TANC2: variants seen among roughly 807,000 people sequenced by gnomAD.
TANC2 encodes tetratricopeptide repeat, ankyrin repeat and coiled-coil containing 2.
Under a neutral mutation model 210.5 loss-of-function variants are expected in TANC2, and 26 were observed. The ratio of observed to expected loss-of-function variants is 0.12; its 90% CI spans 0.09 to 0.17. The LOEUF (loss-of-function observed/expected upper bound fraction) is 0.17, where lower values mean the gene tolerates loss of function less well. TANC2 is among the 10% of genes least tolerant of loss of function. The pLI is 1.00. For synonymous variants in TANC2, 931 were observed against 967.1 expected (o/e 0.96, Z 0.69); for missense variants, 2,129 against 2,608.9 (o/e 0.82, Z 4.01).
chr17:63,081,162 G>A (rs2036756779), intron 3 of TANC2, among the ~76,000 whole-genome samples: 1 of 151,962 alleles, frequency 6.6e-6, no homozygotes, highest in Admixed American at 6.6e-5. Flanking sequence ...AATTTAATTT[G>A]TTGTAGATTT....
At chr17:63,120,109 T>G (rs78080628) in intron 4 of TANC2, among the ~76,000 whole-genome samples, 4,480 of 152,212 alleles carry the variant, frequency 0.029, 83 homozygotes, top group South Asian at 0.037. Context: ...ATGAGGTTAG[T>G]ATTTTTATTA....
chr17:63,152,145 G>A (rs561260568), intron 5 of TANC2: 1 of 152,278 alleles, frequency 6.6e-6, no homozygotes, highest in African/African-American at 2.4e-5. Context: ...CATTAGTAAA[G>A]GAAGGACCTT....
Position 63,340,089 on chromosome 17 carries a change from T to G in TANC2, c.1576-12T>G. 1 of 1,607,594 alleles carries G rather than the reference T, an allele frequency of 6.2e-7. No individual in the cohort carries two copies. The highest frequency in any genetic ancestry group is 8.5e-7 in the Non-Finnish European group (1 of 1,174,996). ...TGATAAGCCTGTTTGCATTCTCATC[T>G]TTCTTTTGCAGGTGGTTGCCTATCA... On this transcript the variant is annotated splice_polypyrimidine_tract_variant and intron_variant, in intron 11 of 27. Transcript: ENST00000689528.
chr17:62,984,080 T>C (rs894479237), intron 1 of TANC2, among the ~76,000 whole-genome samples: 2 of 152,144 alleles, frequency 1.3e-5, no homozygotes, highest in African/African-American at 4.8e-5. Context: ...AATTCAGCAG[T>C]GATACCATCT....
intron 14 of TANC2, among the ~76,000 whole-genome samples, chr17:63,376,822 T>C (rs2047439046): frequency 6.7e-6 from 1 of 149,654 alleles, no homozygotes; most frequent in South Asian, 2.1e-4. Flanking sequence ...CTCTTTTTTT[T>C]TTTTTTTTTT....
At chr17:63,250,829 G>C (rs1229512075) in intron 8 of TANC2, among the ~76,000 whole-genome samples, 3 of 152,060 alleles carry the variant, frequency 2.0e-5, no homozygotes, top group African/African-American at 7.2e-5. Context: ...TAATTTATAA[G>C]TAATTTATAT....
At chr17:63,184,190 G>A (rs2040894027) in intron 5 of TANC2, among the ~76,000 whole-genome samples, 1 of 152,090 alleles carries the variant, frequency 6.6e-6, no homozygotes, top group Non-Finnish European at 1.5e-5. Context: ...AACTTTAAAT[G>A]AAAGATCTAA....
At chr17:63,282,441 T>C (rs2044087449) in intron 9 of TANC2, among the ~76,000 whole-genome samples, 1 of 152,022 alleles carries the variant, frequency 6.6e-6, no homozygotes, top group African/African-American at 2.4e-5. Flanking sequence ...TGAAATAAAA[T>C]ATCTCAGGGT....
chr17:63,289,943 TC>T (rs144797286), intron 9 of TANC2, among the ~76,000 whole-genome samples: 4 of 151,750 alleles, frequency 2.6e-5, no homozygotes, highest in East Asian at 1.9e-4. Flanking sequence ...TTGTTTTCCT[TC>T]CCCCCCTTCA....
At chr17:63,104,618 A>G (rs2037753901) in intron 4 of TANC2, among the ~76,000 whole-genome samples, 1 of 152,178 alleles carries the variant, frequency 6.6e-6, no homozygotes, top group Non-Finnish European at 1.5e-5. Flanking sequence ...AAAAATGAAA[A>G]TCCAAATATT....
intron 9 of TANC2, among the ~76,000 whole-genome samples, chr17:63,275,797 C>G (rs898102468): frequency 1.3e-5 from 2 of 152,096 alleles, no homozygotes; most frequent in African/African-American, 4.8e-5. Context: ...GTTCCCCTCA[C>G]CCCCAACCAG....
intron 4 of TANC2, among the ~76,000 whole-genome samples, chr17:63,121,849 C>T (rs1016295533): frequency 1.3e-5 from 2 of 151,922 alleles, no homozygotes; most frequent in Admixed American, 6.6e-5. Flanking sequence ...TGCCTGTAGT[C>T]CCAGCTACTT....
rs190583868 is a variant in TANC2 at position 63,156,054 on chromosome 17, T to C, written c.433+4674T>C. Among the ~76,000 whole-genome samples, 18 of 152,308 alleles carry C rather than the reference T, an allele frequency of 1.2e-4. No homozygotes were observed. The East Asian group carries it at 3.5e-3, about 29-fold the overall frequency. On this transcript the variant is annotated intron_variant, in intron 5 of 27. Coordinates refer to ENST00000689528, the Ensembl canonical transcript of TANC2. The stretch of plus-strand genomic sequence containing the variant: ...TTTCCGAGAACATTATAAAATGTTA[T>C]CTTTATCCTAAATAATTAACCATGC...
chr17:63,337,241 TAA>T (rs536123966), intron 11 of TANC2, among the ~76,000 whole-genome samples: 14 of 152,282 alleles, frequency 9.2e-5, no homozygotes, highest in African/African-American at 2.9e-4. Flanking sequence ...ATCTAAAAAT[TAA>T]AAGAGAGGCA....
chr17:63,360,880 G>C (rs1035433000), intron 14 of TANC2, among the ~76,000 whole-genome samples: 40 of 152,118 alleles, frequency 2.6e-4, no homozygotes, highest in African/African-American at 8.7e-4. Context: ...TGACAGATAA[G>C]TGAGAACACG....
chr17:63,137,001 A>C (rs1282121288), intron 4 of TANC2, among the ~76,000 whole-genome samples: 1 of 152,212 alleles, frequency 6.6e-6, no homozygotes, highest in Admixed American at 6.5e-5. Context: ...ACTGAGTTTC[A>C]GAGATGTGCA....
intron 2 of TANC2, among the ~76,000 whole-genome samples, chr17:63,011,975 T>G (rs1454327835): frequency 1.3e-5 from 2 of 151,764 alleles, no homozygotes; most frequent in East Asian, 3.8e-4. Flanking sequence ...TTCTCTCCTA[T>G]CTTTCTTTTT....
intron 5 of TANC2, among the ~76,000 whole-genome samples, chr17:63,162,171 G>T (rs1045036752): frequency 6.6e-6 from 1 of 152,144 alleles, no homozygotes; most frequent in African/African-American, 2.4e-5. Context: ...AGGCATGGTG[G>T]CATGTGCCTG....
rs938030095 is a variant in TANC2 at position 63,087,556 on chromosome 17, G to A, written c.140-11619G>A. On this transcript the variant is annotated intron_variant, in intron 3 of 27. Transcript: ENST00000689528. Reference sequence around the variant, plus strand: ...TCTGGGAAAATAATTTCTCCTGATGGTTAAGAAGAATACCATTCTCTGGTA... The same window carrying A: ...TCTGGGAAAATAATTTCTCCTGATGATTAAGAAGAATACCATTCTCTGGTA... Among the ~76,000 whole-genome samples, 4 of 152,188 alleles carry A rather than the reference G, an allele frequency of 2.6e-5. No individual in the cohort carries two copies. In the East Asian group the frequency reaches 7.7e-4, roughly 29 times the overall value.
Sources: allele counts gnomAD v4.1 joint callset (sites outside exome capture counted in the v4.1 genomes callset), GRCh38; gene constraint gnomAD v4.1.1; transcripts MANE v1.5; gene names NCBI Gene and HGNC (gene_info 2026-07-23, HGNC 2026-07-21).